CLVS1: variants seen among roughly 807,000 people sequenced by gnomAD.
CLVS1 encodes clavesin 1, also known as clavesin-1.
A neutral mutation model predicts 33.1 loss-of-function variants in CLVS1; 10 were observed. That is an observed-to-expected ratio of 0.30 (90% CI 0.19 to 0.51). CLVS1 has a LOEUF of 0.51. Among genes scored for constraint, CLVS1 ranks in the 20% least tolerant of loss-of-function variants. The pLI, the probability that CLVS1 is intolerant of heterozygous loss-of-function variation, is 0.97. For missense variants in CLVS1, 343 were observed against 433.4 expected (o/e 0.79, Z 1.85); for synonymous variants, 163 against 166.1 (o/e 0.98, Z 0.14).
chr8:61,314,901 T>C (rs1199255351), intron 2 of CLVS1, among the ~76,000 whole-genome samples: 2 of 152,228 alleles, frequency 1.3e-5, no homozygotes, highest in Non-Finnish European at 2.9e-5. Flanking sequence ...TTATGTGTTA[T>C]AGGTGAGAAA....
At chr8:61,097,424 T>C (rs1469745073) in intron 1 of CLVS1, among the ~76,000 whole-genome samples, 2 of 152,246 alleles carry the variant, frequency 1.3e-5, no homozygotes, top group Admixed American at 1.3e-4. Flanking sequence ...GTTCTCACAG[T>C]ACTGTGCCTT....
chr8:61,272,319 G>T (rs1809458305), intron 2 of CLVS1, among the ~76,000 whole-genome samples: 1 of 152,070 alleles, frequency 6.6e-6, no homozygotes, highest in Non-Finnish European at 1.5e-5. Context: ...TTGAATATTG[G>T]CCCCCGCTCT....
intron 5 of CLVS1, among the ~76,000 whole-genome samples, chr8:61,468,741 G>T (rs1419432193): frequency 8.9e-6 from 1 of 112,824 alleles, no homozygotes; most frequent in Non-Finnish European, 1.6e-5. Flanking sequence ...AAAAAAAAAG[G>T]TAGTTACTAT....
chr8:61,328,402 G>T (rs183850299), intron 2 of CLVS1, among the ~76,000 whole-genome samples: 1 of 152,090 alleles, frequency 6.6e-6, no homozygotes, highest in African/African-American at 2.4e-5. Context: ...AAAGGTGAGG[G>T]TCAACTTGGA....
chr8:61,491,485 AT>A (rs1374702493), intron 5 of CLVS1, among the ~76,000 whole-genome samples: 1 of 152,240 alleles, frequency 6.6e-6, no homozygotes, highest in Non-Finnish European at 1.5e-5. Flanking sequence ...AAAAGAACTT[AT>A]TTTTTAAGTA....
At position 61,387,456 on chromosome 8, in the gene CLVS1, T is replaced by C. The variant is rs1814129037; in HGVS notation, c.630+10677T>C. Among the ~76,000 whole-genome samples the C allele has an allele frequency of 2.1e-5, 3 of 143,692 alleles. No homozygotes were observed. In the South Asian group the frequency reaches 6.6e-4, roughly 32 times the overall value. 94.3% of individuals were successfully genotyped at this position (143,692 alleles called of 152,430 possible). On this transcript the variant is annotated intron_variant, in intron 3 of 5. Coordinates refer to ENST00000325897, the MANE Select transcript of CLVS1 (RefSeq NM_173519.3). ...TTATAGCCCAAAGACAAAATTCCAC[T>C]GTACAGTTCCTTTTTTTTTTTTTTT...
chr8:60,966,993 G>C, the CLVS1 span, among the ~76,000 whole-genome samples: 1 of 152,144 alleles, frequency 6.6e-6, no homozygotes, highest in Admixed American at 6.5e-5. Context: ...AAACAACTCA[G>C]TTTTGCACTA....
chr8:61,279,668 C>T (rs936328950), intron 2 of CLVS1, among the ~76,000 whole-genome samples: 2 of 152,172 alleles, frequency 1.3e-5, no homozygotes, highest in Non-Finnish European at 2.9e-5. Flanking sequence ...ACTTGAACTA[C>T]ATCACAAGAA....
chr8:61,297,929 T>C (rs1031802011), intron 1 of CLVS1, among the ~76,000 whole-genome samples: 1 of 152,204 alleles, frequency 6.6e-6, no homozygotes, highest in Non-Finnish European at 1.5e-5. Flanking sequence ...AAAGTTTGTT[T>C]ATTGGATGTA....
intron 3 of CLVS1, among the ~76,000 whole-genome samples, chr8:61,440,812 C>T (rs942406776): frequency 6.6e-6 from 1 of 152,210 alleles, no homozygotes. Flanking sequence ...GTTGGTACAG[C>T]TTCTCGGACA....
chr8:61,212,679 CAG>C (rs891195507), intron 2 of CLVS1, among the ~76,000 whole-genome samples: 3 of 152,138 alleles, frequency 2.0e-5, no homozygotes, highest in African/African-American at 7.2e-5. Flanking sequence ...AGAGAAAAGA[CAG>C]AGCTAAAATT....
the CLVS1 span, among the ~76,000 whole-genome samples, chr8:61,021,856 A>G: frequency 6.6e-6 from 1 of 152,170 alleles, no homozygotes; most frequent in Admixed American, 6.5e-5. Context: ...AATAGTTATT[A>G]TAGTTTTTCA....
Position 61,166,031 on chromosome 8 carries a change from G to GGTTTTTTTT in CLVS1, c.-152+34171_-152+34172insGTTTTTTTT, listed in dbSNP as rs373501627. Among the ~76,000 whole-genome samples the GGTTTTTTTT allele has an allele frequency of 7.4e-5, 8 of 108,376 alleles. 1 individual carries two copies. The highest frequency in any genetic ancestry group is 1.4e-4 in the Non-Finnish European group (7 of 51,514). The allele number at this position is 108,376 out of a possible 152,430, so 71.1% of individuals were successfully genotyped here. ...TATTTTTGTGGCTAAGCATCTAAGC[G>GGTTTTTTTT]TTTTTTTTTTTTTTGCCTGCCTTTG... On this transcript the variant is annotated intron_variant, in intron 2 of 2. Coordinates refer to the CLVS1 transcript ENST00000522621.
intron 2 of CLVS1, among the ~76,000 whole-genome samples, chr8:61,189,944 G>A (rs1443554727): frequency 5.3e-5 from 8 of 152,082 alleles, no homozygotes; most frequent in Non-Finnish European, 1.0e-4. Flanking sequence ...ACACCCCACT[G>A]TCAACATTAG....
intron 1 of CLVS1, among the ~76,000 whole-genome samples, chr8:61,294,589 G>A (rs959627228): frequency 6.6e-6 from 1 of 152,028 alleles, no homozygotes; most frequent in African/African-American, 2.4e-5. Context: ...ACTTCCCAGG[G>A]AATTATCTTT....
intron 2 of CLVS1, among the ~76,000 whole-genome samples, chr8:61,183,210 G>A (rs1406669516): frequency 1.3e-5 from 2 of 152,024 alleles, no homozygotes; most frequent in African/African-American, 4.8e-5. Context: ...AATGCATGAG[G>A]GGCTTAAAAC....
the CLVS1 span, among the ~76,000 whole-genome samples, chr8:61,026,836 C>A: frequency 1.3e-5 from 2 of 152,138 alleles, no homozygotes; most frequent in Non-Finnish European, 2.9e-5. Context: ...TGTGGACCTG[C>A]AAATTTAACT....
intron 2 of CLVS1, among the ~76,000 whole-genome samples, chr8:61,353,721 TA>T (rs200606767): frequency 0.011 from 1,321 of 116,096 alleles, 18 homozygotes; most frequent in African/African-American, 0.035. Context: ...GCAAGCAGAA[TA>T]AAAAAAAAAA....
chr8:61,482,359 T>C (rs931754325), intron 5 of CLVS1, among the ~76,000 whole-genome samples: 1 of 152,222 alleles, frequency 6.6e-6, no homozygotes, highest in African/African-American at 2.4e-5. Context: ...ATGACTTTGA[T>C]GAGTTGAGAG....
Sources: gnomAD v4.1 joint callset for allele counts (sites outside exome capture counted in the v4.1 genomes callset) on GRCh38, gnomAD v4.1.1 for gene constraint, MANE v1.5 for transcripts, NCBI Gene and HGNC (gene_info 2026-07-23, HGNC 2026-07-21) for gene names.